The following STRAP variants were observed in gnomAD, a reference collection of about 807,000 sequenced individuals.
The protein encoded by STRAP is serine/threonine kinase receptor associated protein.
STRAP carries 16 observed loss-of-function variants against 47.0 expected under a neutral mutation model. The ratio of observed to expected loss-of-function variants is 0.34; its 90% CI spans 0.23 to 0.52. The LOEUF (loss-of-function observed/expected upper bound fraction) is 0.52, where lower values mean the gene tolerates loss of function less well. Among genes scored for constraint, STRAP ranks in the 20% least tolerant of loss-of-function variants. STRAP has a pLI of 0.96. For synonymous variants in STRAP, 130 were observed against 142.7 expected (o/e 0.91, Z 0.63); for missense variants, 293 against 420.0 (o/e 0.70, Z 2.64).
chr12:15,882,408 C>G lies in STRAP; in HGVS notation c.-300C>G, dbSNP rs763265757. ...TTTACGTCGTCACTTCCTGCCGATG[C>G]CGGTGTGGACGCTGTGAATCGTGGC... On this transcript the variant is annotated 5_prime_UTR_variant, in exon 1 of 10. Transcript: ENST00000419869. 246 of 451,578 alleles carry G rather than the reference C, an allele frequency of 5.4e-4. No individual in the cohort carries two copies. Among genetic ancestry groups the G allele is most frequent in the Non-Finnish European group, 8.1e-4 (201 of 248,528 alleles). 28.0% of individuals were successfully genotyped at this position (451,578 alleles called of 1,614,324 possible).
chr12:15,884,102 A>C (rs1947947555), intron 2 of STRAP, among the ~76,000 whole-genome samples: 2 of 152,256 alleles, frequency 1.3e-5, no homozygotes, highest in South Asian at 4.1e-4. Context: ...ACAAACAAAA[A>C]AACAACAAAA....
Position 15,894,207 on chromosome 12 carries a change from C to A in STRAP, c.500+64C>A. ...GGGCATGGTGGCTCACGCCTATAATCTCAGCACTTTGGGAGGCGAGCCGGG... is the reference window on the plus strand; with the variant it reads ...GGGCATGGTGGCTCACGCCTATAATATCAGCACTTTGGGAGGCGAGCCGGG... On this transcript the variant is annotated intron_variant, in intron 5 of 9. Coordinates refer to ENST00000419869, the MANE Select transcript of STRAP (RefSeq NM_007178.4). The surrounding 1 kb of genome is among the most constrained non-coding windows in gnomAD (Gnocchi z 4.9). 1 of 1,373,956 alleles carries A rather than the reference C, an allele frequency of 7.3e-7. No individual in the cohort carries two copies. The highest frequency in any genetic ancestry group is 2.3e-5 in the East Asian group (1 of 42,984). The allele number at this position is 1,373,956 out of a possible 1,614,324, so 85.1% of individuals were successfully genotyped here.
chr12:15,893,894 T>G (rs1948038617), intron 4 of STRAP, among the ~76,000 whole-genome samples, 153 bp from the exon 5 acceptor site: 1 of 152,050 alleles, frequency 6.6e-6, no homozygotes, highest in East Asian at 1.9e-4. Context: ...CTAACTGTAT[T>G]CTATATAAAC....
rs1948059193 is a variant in STRAP, at chr12:15,896,272, TCTA to T, written c.638+780_638+782del. Among the ~76,000 whole-genome samples, 1 of 152,130 alleles carries T rather than the reference TCTA, an allele frequency of 6.6e-6. No individual in the cohort carries two copies. The highest frequency in any genetic ancestry group is 6.6e-5 in the Admixed American group (1 of 15,260). On this transcript the variant is annotated intron_variant, in intron 6 of 9. Transcript: ENST00000419869. This position sits in a 1 kb window ranked among gnomAD's most constrained non-coding sequence, Gnocchi z 4.1. ...AACAAAAAAACAGTGTGATCTTGATTCTACTATTTATTTTCACCTTAAAGTTTT... is the reference window on the plus strand; with the variant it reads ...AACAAAAAAACAGTGTGATCTTGATTCTATTTATTTTCACCTTAAAGTTTT...
In STRAP at chr12:15,898,910, G is replaced by T. The variant is rs199829076; in HGVS notation, c.775+892G>T. ...TTCTTGGGGAACATTGATGCATCTG[G>T]GTTGCACAAATGGAACCTTGGTGAT... On this transcript the variant is annotated intron_variant, in intron 7 of 9. Transcript: ENST00000419869. Among the ~76,000 whole-genome samples, 11 of 152,174 alleles carry T rather than the reference G, an allele frequency of 7.2e-5. No individual in the cohort carries two copies. In the East Asian group the frequency reaches 2.1e-3, roughly 29 times the overall value.
At chr12:15,882,877 G>T in intron 1 of STRAP, 58 bp downstream of exon 1, 1 of 1,538,160 alleles carries the variant, frequency 6.5e-7, no homozygotes, top group South Asian at 1.2e-5. Context: ...AAGGGATCGG[G>T]ACCCGCACGC....
At chr12:15,885,430 C>G (rs1255708837) in intron 2 of STRAP, among the ~76,000 whole-genome samples, 1 of 151,060 alleles carries the variant, frequency 6.6e-6, no homozygotes, top group East Asian at 2.0e-4. Flanking sequence ...CTCAAGTGAT[C>G]TGCCCGCCTT....
rs1947946337 is a variant in STRAP at position 15,884,002 on chromosome 12, T to TCCTAC, written c.248+327_248+331dup. 7.2e-5 allele frequency among the ~76,000 whole-genome samples: 11 copies of TCCTAC among 152,362 alleles called. No homozygotes were observed. The South Asian group carries it at 2.3e-3, about 32-fold the overall frequency. Reference sequence around the variant, plus strand: ...GCTCTGTGTGTACTCCTTAGTGATATCCTACATTGATGGCCCTAGGTTTTT... The same window carrying TCCTAC: ...GCTCTGTGTGTACTCCTTAGTGATATCCTACCCTACATTGATGGCCCTAGGTTTTT... On this transcript the variant is annotated intron_variant, in intron 2 of 9. Transcript: ENST00000419869.
chr12:15,888,028 T>C (rs566923644), intron 2 of STRAP, among the ~76,000 whole-genome samples: 1 of 152,338 alleles, frequency 6.6e-6, no homozygotes, highest in South Asian at 2.1e-4. Context: ...ACCACAACCA[T>C]GAAATGCATT....
chr12:15,885,703 A>C (rs1359040784), intron 2 of STRAP, among the ~76,000 whole-genome samples: 1 of 152,158 alleles, frequency 6.6e-6, no homozygotes, highest in Non-Finnish European at 1.5e-5. Context: ...CTGTGTTTAC[A>C]AGTGGTGTAT....
At chr12:15,893,588 ATATTATACAATAATATTTG>A (rs1356606190) in intron 4 of STRAP, among the ~76,000 whole-genome samples, 1 of 147,178 alleles carries the variant, frequency 6.8e-6, no homozygotes. Context: ...TAATGCTTTT[ATATTATACAATAATATTTG>A]TATTATTGTA....
chr12:15,892,158 C>A (rs1948021286), intron 4 of STRAP, among the ~76,000 whole-genome samples: 1 of 151,880 alleles, frequency 6.6e-6, no homozygotes, highest in African/African-American at 2.4e-5. Context: ...TTAATATATT[C>A]CCTTTTTTAT....
chr12:15,893,274 A>G (rs1948031731), intron 4 of STRAP, among the ~76,000 whole-genome samples: 1 of 151,184 alleles, frequency 6.6e-6, no homozygotes, highest in Non-Finnish European at 1.5e-5. Flanking sequence ...CTTATTTCTC[A>G]TTATTTACTA....
rs1948045102 is a variant in STRAP, at chr12:15,894,549, C to T, written c.500+406C>T. Among the ~76,000 whole-genome samples, 1 of 152,146 alleles carries T rather than the reference C, an allele frequency of 6.6e-6. No individual in the cohort carries two copies. Among genetic ancestry groups the T allele is most frequent in the African/African-American group, 2.4e-5 (1 of 41,414 alleles). ...TATTATGTGTGAAAAATGTTCTGAA[C>T]ATTAAAATTTAAGTTGCACCCAGGT... On this transcript the variant is annotated intron_variant, in intron 5 of 9. Transcript: ENST00000419869. The surrounding 1 kb of genome is among the most constrained non-coding windows in gnomAD (Gnocchi z 4.9).
At chr12:15,891,016 C>T (rs534550582) in intron 4 of STRAP, among the ~76,000 whole-genome samples, 1 of 151,470 alleles carries the variant, frequency 6.6e-6, no homozygotes, top group South Asian at 2.1e-4. Flanking sequence ...GCCGAGATTG[C>T]GCCACTGCAC....
At chr12:15,883,196 CTT>C (rs1273131192) in intron 1 of STRAP, 1 of 1,428,678 alleles carries the variant, frequency 7.0e-7, no homozygotes, top group Non-Finnish European at 9.5e-7. Flanking sequence ...GACGTTCGCT[CTT>C]GTCTCACTGG....
In STRAP at chr12:15,882,616, G is replaced by T. The variant is rs1470636243; in HGVS notation, c.-92G>T. On this transcript the variant is annotated 5_prime_UTR_variant, in exon 1 of 10. Coordinates refer to ENST00000419869, the MANE Select transcript of STRAP (RefSeq NM_007178.4). ...AGCCCAGCCCTAGTGTCAGGGCGGG[G>T]GCCTGGAGCAGCCCGAGGCACTGCA... The T allele has an allele frequency of 4.6e-6, 5 of 1,077,536 alleles. 1 individual carries two copies. The highest frequency in any genetic ancestry group is 2.7e-6 in the Non-Finnish European group (2 of 731,586). 66.7% of individuals were successfully genotyped at this position (1,077,536 alleles called of 1,614,324 possible). A position where few individuals can be genotyped will look rare whatever the true frequency, so the allele number is the denominator to read the frequency against.
Position 15,889,941 on chromosome 12 carries a change from G to A in STRAP, c.262G>A (p.Ala88Thr). Residue 88 changes from alanine to threonine, a missense_variant, in exon 3 of 10, where the codon GCT becomes ACT. Coordinates refer to ENST00000419869, the MANE Select transcript of STRAP (RefSeq NM_007178.4). ...TTTTACTTTTAGCAAAGTGTGGGATGCTGTCTCAGGAGATGAATTGATGAC... is the reference window on the plus strand; with the variant it reads ...TTTTACTTTTAGCAAAGTGTGGGATACTGTCTCAGGAGATGAATTGATGAC... Reference protein sequence around the residue: ...AADFTAKVWDAVSGDELMTLA... With the variant: ...AADFTAKVWDTVSGDELMTLA... The A allele has an allele frequency of 6.2e-7, 1 of 1,613,424 alleles. No individual in the cohort carries two copies. The highest frequency in any genetic ancestry group is 8.5e-7 in the Non-Finnish European group (1 of 1,179,594).
rs114734990 is a variant in STRAP, at chr12:15,884,594, A to G, written c.248+918A>G. The stretch of plus-strand genomic sequence containing the variant: ...AATATTTTTTAATACTTTTTACTAT[A>G]CAGACAGTATCTAGCTATGTTGTCC... On this transcript the variant is annotated intron_variant, in intron 2 of 9. Coordinates refer to ENST00000419869, the MANE Select transcript of STRAP (RefSeq NM_007178.4). 6.8e-3 allele frequency among the ~76,000 whole-genome samples: 1,039 copies of G among 151,838 alleles called. 8 individuals carry two copies. The highest frequency in any genetic ancestry group is 0.023 in the African/African-American group (964 of 41,412).
Sources: allele counts gnomAD v4.1 joint callset (sites outside exome capture counted in the v4.1 genomes callset), GRCh38; gene constraint gnomAD v4.1.1; non-coding constraint Gnocchi (gnomAD v3.1); transcripts MANE v1.5; gene names NCBI Gene and HGNC (gene_info 2026-07-23, HGNC 2026-07-21).